Variants in PCDHGA12 observed in about 807,000 individuals in gnomAD.
PCDHGA12 encodes the protein protocadherin gamma-A12.
PCDHGA12 carries 43 observed loss-of-function variants against 61.1 expected under a neutral mutation model. That is an observed-to-expected ratio of 0.70 (90% CI 0.55 to 0.91). The LOEUF (loss-of-function observed/expected upper bound fraction) is 0.91. PCDHGA12 is among the 40% of genes least tolerant of loss of function. PCDHGA12 has a pLI of 0.00. For missense variants in PCDHGA12, 1,236 were observed against 1,227.7 expected, an observed-to-expected ratio of 1.01 and a Z score of -0.10; for synonymous variants, 520 against 542.9, an observed-to-expected ratio of 0.96 and a Z score of 0.59.
At chr5:141,495,984 ATC>A (rs2099765081) in intron 2 of PCDHGA12, among the ~76,000 whole-genome samples, 1 of 149,246 alleles carries the variant, frequency 6.7e-6, no homozygotes, top group East Asian at 2.0e-4. Context: ...CTCTTTCTTT[ATC>A]TCTCTTTTTC....
intron 1 of PCDHGA12, among the ~76,000 whole-genome samples, chr5:141,470,877 T>C (rs1438812002): frequency 1.3e-5 from 2 of 151,808 alleles, no homozygotes; most frequent in Non-Finnish European, 2.9e-5. Context: ...TTTGTTTTTT[T>C]GTTTTTGTTT....
Position 141,487,767 on chromosome 5 carries a change from T to G in PCDHGA12, c.2425-7040T>G, listed in dbSNP as rs2099665569. The G allele has an allele frequency of 5.2e-6, 8 of 1,538,298 alleles. No homozygotes were observed. The African/African-American group carries it at 9.6e-5, about 18-fold the overall frequency. On this transcript the variant is annotated intron_variant, in intron 1 of 3. Transcript: ENST00000252085. This position sits in a 1 kb window ranked among gnomAD's most constrained non-coding sequence, Gnocchi z 5.0. ...GGTAACTATGTGGTAGACGCTGTGC[T>G]TTGTAACTGTTTCGTGAATTAACCA... is the stretch of plus-strand genomic sequence containing the variant.
At chr5:141,450,831 T>TATA (rs761717068) in intron 1 of PCDHGA12, among the ~76,000 whole-genome samples, 3 of 144,648 alleles carry the variant, frequency 2.1e-5, no homozygotes, top group Non-Finnish European at 4.5e-5. Flanking sequence ...TTATTATTAT[T>TATA]TTTTTTTTTT....
In PCDHGA12 at chr5:141,491,681, C is replaced by A; in HGVS notation, c.2425-3126C>A. The A allele has an allele frequency of 6.2e-7, 1 of 1,613,458 alleles. No individual in the cohort carries two copies. Among genetic ancestry groups the A allele is most frequent in the Non-Finnish European group, 8.5e-7 (1 of 1,179,804 alleles). ...GACGCCATCCGGTCCCGCTCTAATA[C>A]GCTGCGGGAGCGGAGCCAGGTGAGG... On this transcript the variant is annotated intron_variant, in intron 1 of 3. Coordinates refer to ENST00000252085, the MANE Select transcript of PCDHGA12 (RefSeq NM_003735.3). This position sits in a 1 kb window ranked among gnomAD's most constrained non-coding sequence, Gnocchi z 6.9.
chr5:141,444,897 G>T (rs1445334623), intron 1 of PCDHGA12, among the ~76,000 whole-genome samples: 1 of 152,274 alleles, frequency 6.6e-6, no homozygotes, highest in African/African-American at 2.4e-5. Flanking sequence ...GAATGGGATG[G>T]CATTGCATCT....
intron 2 of PCDHGA12, among the ~76,000 whole-genome samples, chr5:141,496,631 G>A (rs1434126210): frequency 6.6e-6 from 1 of 152,164 alleles, no homozygotes; most frequent in Admixed American, 6.5e-5. Context: ...CAAAAGGCTT[G>A]GGCTGCCCTT....
chr5:141,473,930 G>T (rs966856411), intron 1 of PCDHGA12, among the ~76,000 whole-genome samples: 3 of 152,156 alleles, frequency 2.0e-5, no homozygotes, highest in Admixed American at 6.5e-5. Flanking sequence ...TGAGCTGGGT[G>T]CAGTAGCTCA....
intron 3 of PCDHGA12, 120 bp downstream of exon 3, chr5:141,505,601 C>T (rs1171679451): frequency 6.4e-7 from 1 of 1,550,630 alleles, no homozygotes; most frequent in Non-Finnish European, 8.7e-7. Flanking sequence ...GATCTTTCGG[C>T]AGGTCTGAAA....
At chr5:141,467,348 C>T (rs1182432500) in intron 1 of PCDHGA12, among the ~76,000 whole-genome samples, 5 of 152,142 alleles carry the variant, frequency 3.3e-5, no homozygotes, top group African/African-American at 9.7e-5. Context: ...CCACTGCCCC[C>T]GGCCAAATCA....
chr5:141,432,635 G>C lies in PCDHGA12; in HGVS notation c.1876G>C (p.Val626Leu), dbSNP rs754354737. The change falls in exon 1 of 4, where the codon GTG (valine) becomes CTG (leucine). Residue 626 changes from valine to leucine, a missense_variant. Transcript: ENST00000252085. The surrounding 1 kb of genome is among the most constrained non-coding windows in gnomAD (Gnocchi z 6.0). ...CTCGGTGGGTCTGCACACGGGCGAG[G>C]TGCGCACGGCGCGAGCCCTGCTGGA... ...LFSVGLHTGE[V>L]RTARALLDRD... The C allele has an allele frequency of 5.6e-6, 9 of 1,612,886 alleles. No individual in the cohort carries two copies. Among genetic ancestry groups the C allele is most frequent in the Non-Finnish European group, 7.6e-6 (9 of 1,179,742 alleles).
chr5:141,498,865 G>A (rs2099786522), intron 2 of PCDHGA12, among the ~76,000 whole-genome samples: 1 of 151,116 alleles, frequency 6.6e-6, no homozygotes, highest in Non-Finnish European at 1.5e-5. Flanking sequence ...CCCAGGAGGC[G>A]GAGGTTGCAG....
intron 1 of PCDHGA12, among the ~76,000 whole-genome samples, chr5:141,470,572 A>G (rs1349952470): frequency 6.6e-6 from 1 of 152,208 alleles, no homozygotes; most frequent in Non-Finnish European, 1.5e-5. Flanking sequence ...GCCAAGCAGG[A>G]TCAACTTCAT....
Position 141,486,173 on chromosome 5 carries a change from T to C in PCDHGA12, c.2425-8634T>C. 1 of 1,614,220 alleles carries C rather than the reference T, an allele frequency of 6.2e-7. No homozygotes were observed. Among genetic ancestry groups the C allele is most frequent in the Non-Finnish European group, 8.5e-7 (1 of 1,180,042 alleles). ...GGGTTCTCCAGCCATGGAGCAACATTGCAGCCTTCGAGTGGATCTGCTGGA... is the reference window on the plus strand; with the variant it reads ...GGGTTCTCCAGCCATGGAGCAACATCGCAGCCTTCGAGTGGATCTGCTGGA... On this transcript the variant is annotated intron_variant, in intron 1 of 3. Transcript: ENST00000252085. The surrounding 1 kb of genome is among the most constrained non-coding windows in gnomAD (Gnocchi z 5.0).
intron 1 of PCDHGA12, among the ~76,000 whole-genome samples, chr5:141,461,819 A>G (rs573339238): frequency 1.3e-5 from 2 of 149,282 alleles, no homozygotes; most frequent in African/African-American, 2.5e-5. Flanking sequence ...ACACCCAGCT[A>G]ATTTTTTTTT....
In PCDHGA12 at chr5:141,490,729, C is replaced by G. The variant is rs1365931429; in HGVS notation, c.2425-4078C>G. ...CCTCACCTACTCCATTGTAGGAAAT[C>G]AGGTTCAGGGAGCCCCAGCCTCCTC... On this transcript the variant is annotated intron_variant, in intron 1 of 3. Coordinates refer to ENST00000252085, the MANE Select transcript of PCDHGA12 (RefSeq NM_003735.3). The surrounding 1 kb of genome is among the most constrained non-coding windows in gnomAD (Gnocchi z 5.4). 1 of 1,614,184 alleles carries G rather than the reference C, an allele frequency of 6.2e-7. No homozygotes were observed.
intron 1 of PCDHGA12, among the ~76,000 whole-genome samples, chr5:141,446,193 T>C (rs1402824950): frequency 6.6e-6 from 1 of 152,208 alleles, no homozygotes; most frequent in East Asian, 1.9e-4. Flanking sequence ...TTTATTATTA[T>C]ATTCCTAGGT....
At position 141,438,243 on chromosome 5, in the gene PCDHGA12, A is replaced by C. The variant is rs1445738408; in HGVS notation, c.2424+5060A>C. ...TGGTTCAGGAAAATGTTTTTAAAAA[A>C]CTGTCATTGAAGAGACCATAGAATC... On this transcript the variant is annotated intron_variant, in intron 1 of 3. Coordinates refer to ENST00000252085, the MANE Select transcript of PCDHGA12 (RefSeq NM_003735.3). Among the ~76,000 whole-genome samples, 3 of 152,250 alleles carry C rather than the reference A, an allele frequency of 2.0e-5. No individual in the cohort carries two copies. In the East Asian group the frequency reaches 5.8e-4, roughly 29 times the overall value.
In PCDHGA12 at chr5:141,485,089, G is replaced by C; in HGVS notation, c.2425-9718G>C. 9.7e-7 allele frequency: 1 copy of C among 1,027,236 alleles called. No individual in the cohort carries two copies. The highest frequency in any genetic ancestry group is 1.5e-6 in the Non-Finnish European group (1 of 674,564). The allele number at this position is 1,027,236 out of a possible 1,614,324, so 63.6% of individuals were successfully genotyped here. On this transcript the variant is annotated intron_variant, in intron 1 of 3. Coordinates refer to ENST00000252085, the MANE Select transcript of PCDHGA12 (RefSeq NM_003735.3). This position sits in a 1 kb window ranked among gnomAD's most constrained non-coding sequence, Gnocchi z 5.7. ...GAGCTGGCGCGGGGAAAGGGAGATA[G>C]GTGTCTCCAGCTGCTGTGGCTGTTT... is the stretch of plus-strand genomic sequence containing the variant.
chr5:141,445,224 G>A (rs1016307216), intron 1 of PCDHGA12, among the ~76,000 whole-genome samples: 6 of 152,194 alleles, frequency 3.9e-5, no homozygotes, highest in Admixed American at 2.0e-4. Context: ...GAGGTGCAAA[G>A]TGCTCTATTC....
Sources: allele counts gnomAD v4.1 joint callset (sites outside exome capture counted in the v4.1 genomes callset), GRCh38; gene constraint gnomAD v4.1.1; non-coding constraint Gnocchi (gnomAD v3.1); transcripts MANE v1.5; gene names NCBI Gene and HGNC (gene_info 2026-07-23, HGNC 2026-07-21).